Variants in DUOX1 observed in about 807,000 individuals in gnomAD.
DUOX1 encodes the protein NADPH thyroid oxidase 1.
A neutral mutation model predicts 181.8 loss-of-function variants in DUOX1; 134 were observed. That is an observed-to-expected ratio of 0.74 (90% confidence interval 0.64 to 0.85). The LOEUF is 0.85. DUOX1 is among the 40% of genes least tolerant of loss of function. The pLI is 0.00. For missense variants in DUOX1, 1,814 were observed against 2,064.4 expected (o/e 0.88, Z 2.35); for synonymous variants, 798 against 832.5 (o/e 0.96, Z 0.71).
rs749548224 is a variant in DUOX1 at position 45,155,876 on chromosome 15, AGTTTCCGGG to A, written c.3651_3659del (p.Arg1219_Phe1221del). On this transcript the variant is annotated inframe_deletion, in exon 28 of 34. Transcript: ENST00000389037. Reference sequence around the variant, plus strand: ...TGCCTCCCACCACTTCCGCCGCCGCAGTTTCCGGGGCTTCTGGCTGACCCACCACCTCTA... The same window carrying A: ...TGCCTCCCACCACTTCCGCCGCCGCAGCTTCTGGCTGACCCACCACCTCTA... The A allele has an allele frequency of 6.2e-6, 10 of 1,613,954 alleles. No homozygotes were observed. Among genetic ancestry groups the A allele is most frequent in the African/African-American group, 1.3e-5 (1 of 74,870 alleles).
intron 28 of DUOX1, among the ~76,000 whole-genome samples, chr15:45,156,424 C>T (rs117786122): frequency 6.6e-6 from 1 of 152,230 alleles, no homozygotes; most frequent in East Asian, 1.9e-4. Context: ...GATTGTTGAT[C>T]TAATGAATTT....
intron 30 of DUOX1, 66 bp from the exon 31 acceptor site, chr15:45,162,153 C>T: frequency 1.3e-6 from 2 of 1,560,988 alleles, no homozygotes; most frequent in Non-Finnish European, 1.7e-6. Context: ...TTCCTTTTCT[C>T]TCATTTCTGG....
In DUOX1 at chr15:45,152,464, C is replaced by T. The variant is rs754645529; in HGVS notation, c.3372C>T (p.Asp1124=). The T allele has an allele frequency of 2.5e-6, 4 of 1,614,200 alleles. No homozygotes were observed. The highest frequency in any genetic ancestry group is 2.2e-5 in the East Asian group (1 of 44,872). ...ETFLNRYVPF[D]AAVDFHRLIA... is the part of the protein sequence containing the mutation. ...TCCTCAACCGCTACGTGCCCTTCGA[C>T]GCCGCCGTGGACTTCCATCGCCTCA... Residue 1124 remains aspartate (D), a synonymous_variant, in exon 25 of 34, where the codon GAC becomes GAT. Transcript: ENST00000389037.
intron 28 of DUOX1, among the ~76,000 whole-genome samples, chr15:45,159,890 C>G (rs1247099141): frequency 6.6e-6 from 1 of 152,132 alleles, no homozygotes; most frequent in Non-Finnish European, 1.5e-5. Context: ...CGCGGTGGCT[C>G]ACACCTGTAA....
At chr15:45,150,604 T>C (rs1896774506) in intron 21 of DUOX1, 28 bp from the exon 22 acceptor site, 2 of 1,611,590 alleles carry the variant, frequency 1.2e-6, no homozygotes, top group Admixed American at 1.7e-5. Flanking sequence ...GACCCTGAGC[T>C]GCTCCCTAGC....
chr15:45,152,180 C>CG (rs1896829101), intron 24 of DUOX1, 106 bp from the exon 25 acceptor site: 9 of 1,460,342 alleles, frequency 6.2e-6, no homozygotes, highest in Non-Finnish European at 8.3e-6. Context: ...GAAGACTGTG[C>CG]GGGGGAGGCC....
In DUOX1 at chr15:45,135,162, C is replaced by T. The variant is rs369751476; in HGVS notation, c.366C>T (p.Phe122=). The change falls in exon 5 of 34, where the codon TTC becomes TTT. Residue 122 remains phenylalanine (F), a synonymous_variant. Transcript: ENST00000389037. ...AAACTCCCGGCTGCCCCGCCGAGTT[C>T]CTCAACATTCGCATCCCGCCCGGAG... ...SVETPGCPAE[F]LNIRIPPGDP... is the part of the protein sequence containing the mutation. 11 of 1,613,686 alleles carry T rather than the reference C, an allele frequency of 6.8e-6. No individual in the cohort carries two copies. The highest frequency in any genetic ancestry group is 1.7e-5 in the Admixed American group (1 of 59,968).
At chr15:45,146,866 G>A (rs571465912) in intron 18 of DUOX1, among the ~76,000 whole-genome samples, 1 of 152,350 alleles carries the variant, frequency 6.6e-6, no homozygotes, top group Admixed American at 6.5e-5. Flanking sequence ...TGGGTGGGCT[G>A]GGGATGGCCA....
At chr15:45,136,806 T>A (rs1896331029) in intron 9 of DUOX1, among the ~76,000 whole-genome samples, 181 bp downstream of exon 9, 1 of 152,104 alleles carries the variant, frequency 6.6e-6, no homozygotes, top group African/African-American at 2.4e-5. Context: ...TTTTAAGTAT[T>A]TTTACTTCCA....
chr15:45,149,078 G>A (rs1359277023), intron 21 of DUOX1, among the ~76,000 whole-genome samples: 1 of 152,176 alleles, frequency 6.6e-6, no homozygotes, highest in Non-Finnish European at 1.5e-5. Context: ...GAATGGGCAA[G>A]CAGCAGGCAG....
chr15:45,149,699 A>G (rs994939509), intron 21 of DUOX1, among the ~76,000 whole-genome samples: 1 of 152,152 alleles, frequency 6.6e-6, no homozygotes, highest in Non-Finnish European at 1.5e-5. Flanking sequence ...AAAAAGTACA[A>G]AAATTACCCA....
Position 45,135,262 on chromosome 15 carries a change from G to T in DUOX1, c.466G>T (p.Gly156Ter). 6.2e-7 allele frequency: 1 copy of T among 1,612,416 alleles called. No homozygotes were observed. Among genetic ancestry groups the T allele is most frequent in the Non-Finnish European group, 8.5e-7 (1 of 1,179,638 alleles). The change falls in exon 5 of 34, where the codon GGA becomes TGA. Residue 156 changes from glycine to a stop codon, truncating the protein, a stop_gained. Transcript: ENST00000389037. LOFTEE classifies it high-confidence loss of function. ...GAGAAGCCGCTGGGACCCCGAGACC[G>T]GACGGAGTCCCAGCAATCCCCGGGA... is the stretch of plus-strand genomic sequence containing the variant. ...FQRSRWDPET[G>*]RSPSNPRDPA...
intron 25 of DUOX1, 42 bp downstream of exon 25, chr15:45,152,558 G>A (rs565915865): frequency 5.8e-6 from 9 of 1,542,904 alleles, no homozygotes; most frequent in African/African-American, 5.4e-5. Flanking sequence ...AGGGCCTCCC[G>A]CCCCCGCTGA....
In DUOX1 at chr15:45,135,631, C is replaced by T. The variant is rs1440296919; in HGVS notation, c.653C>T (p.Ala218Val). Residue 218 changes from alanine to valine, a missense_variant, in exon 6 of 34, where the codon GCG becomes GTG. Physicochemically the swap from Ala to Val is moderately conservative, Grantham distance 64. This residue lies in a region of DUOX1 where 320 missense variants were observed against 313.1 expected (regional missense o/e 1.02). Transcript: ENST00000389037. ...DSQNPLLMWA[A>V]PDPATGQNGP... is the part of the protein sequence containing the mutation. ...CAGAACCCCCTGCTCATGTGGGCGGCGCCCGACCCCGCCACCGGGCAGAAC... is the reference window on the plus strand; with the variant it reads ...CAGAACCCCCTGCTCATGTGGGCGGTGCCCGACCCCGCCACCGGGCAGAAC... The T allele has an allele frequency of 1.9e-6, 3 of 1,545,360 alleles. No homozygotes were observed. The highest frequency in any genetic ancestry group is 3.9e-5 in the Admixed American group (2 of 51,154).
At chr15:45,145,405 C>T (rs1567013928) in intron 18 of DUOX1, among the ~76,000 whole-genome samples, 1 of 152,180 alleles carries the variant, frequency 6.6e-6, no homozygotes, top group Admixed American at 6.5e-5. Context: ...AGACCCAGAG[C>T]AGCGTGGGCA....
At position 45,163,537 on chromosome 15, in the gene DUOX1, C is replaced by T. The variant is rs1345766726; in HGVS notation, c.4254C>T (p.Tyr1418=). 2.5e-6 allele frequency: 4 copies of T among 1,613,994 alleles called. No individual in the cohort carries two copies. Among genetic ancestry groups the T allele is most frequent in the Non-Finnish European group, 3.4e-6 (4 of 1,180,030 alleles). ...VSCQVFCKKI[Y]FIWVTRTQRQ... ...CTCCAGCCCTGTGTCCCCAGATCTACTTCATCTGGGTGACGCGGACCCAGC... is the reference window on the plus strand; with the variant it reads ...CTCCAGCCCTGTGTCCCCAGATCTATTTCATCTGGGTGACGCGGACCCAGC... The change falls in exon 32 of 34, where the codon TAC becomes TAT. Residue 1418 remains tyrosine, a synonymous_variant. Coordinates refer to ENST00000389037, the MANE Select transcript of DUOX1 (RefSeq NM_175940.3).
chr15:45,161,209 C>T (rs1897091115), intron 29 of DUOX1, among the ~76,000 whole-genome samples: 1 of 151,672 alleles, frequency 6.6e-6, no homozygotes, highest in African/African-American at 2.4e-5. Flanking sequence ...GTCAAGAGAT[C>T]GAGACCATCC....
intron 31 of DUOX1, among the ~76,000 whole-genome samples, chr15:45,162,986 G>A (rs765649790): frequency 2.6e-5 from 4 of 152,218 alleles, no homozygotes; most frequent in Non-Finnish European, 5.9e-5. Context: ...CCCAGCCCAT[G>A]TGCTGTCAGC....
At chr15:45,144,824 T>C in intron 17 of DUOX1, 71 bp from the exon 18 acceptor site, 2 of 1,496,064 alleles carry the variant, frequency 1.3e-6, no homozygotes, top group Non-Finnish European at 1.8e-6. Context: ...CCCTCTGACA[T>C]AATCCACATA....
Sources: allele counts gnomAD v4.1 joint callset (sites outside exome capture counted in the v4.1 genomes callset), GRCh38; gene constraint gnomAD v4.1.1; regional missense constraint gnomAD v4.1.1; transcripts MANE v1.5; gene names NCBI Gene and HGNC (gene_info 2026-07-23, HGNC 2026-07-21).